Variants in ANKRD26 observed in about 807,000 individuals in gnomAD.
ANKRD26 encodes ankyrin repeat domain-containing protein 26.
In ANKRD26, 141 loss-of-function variants were observed where a neutral mutation model predicts 208.7. That is an observed-to-expected ratio of 0.68 (90% CI 0.59 to 0.78). ANKRD26 has a LOEUF of 0.78. Among genes scored for constraint, ANKRD26 ranks in the 30% least tolerant of loss-of-function variants. The pLI is 0.00. For missense variants in ANKRD26, 1,889 were observed against 1,938.7 expected (o/e 0.97, Z 0.48); for synonymous variants, 636 against 660.4 (o/e 0.96, Z 0.57).
intron 20 of ANKRD26, among the ~76,000 whole-genome samples, chr10:27,040,891 G>A (rs145211459): frequency 1.5e-3 from 228 of 152,056 alleles, no homozygotes; most frequent in African/African-American, 4.7e-3. Flanking sequence ...TTAGTGGGGC[G>A]TGGTGGCAGG....
At chr10:27,014,851 CAA>C in intron 30 of ANKRD26, 140 bp from the exon 31 acceptor site, 1 of 681,646 alleles carries the variant, frequency 1.5e-6, no homozygotes, top group Non-Finnish European at 2.5e-6. Context: ...AGGCATTGGT[CAA>C]AGAGATAAGA....
At position 27,096,138 on chromosome 10, in the gene ANKRD26, G is replaced by C. The variant is rs150685505; in HGVS notation, c.243-2339C>G. On this transcript the variant is annotated intron_variant, in intron 1 of 33. Coordinates refer to ENST00000376087, the MANE Select transcript of ANKRD26 (RefSeq NM_014915.3). ...ACTTCTCTCAGGCTTGATTTCCTGGGGATGAGTTAAATACCTGCTTCCAGA... is the reference window on the plus strand; with the variant it reads ...ACTTCTCTCAGGCTTGATTTCCTGGCGATGAGTTAAATACCTGCTTCCAGA... Among the ~76,000 whole-genome samples, 108 of 152,238 alleles carry C rather than the reference G, an allele frequency of 7.1e-4. 1 individual carries two copies. The South Asian group carries it at 0.014, about 20-fold the overall frequency.
intron 9 of ANKRD26, among the ~76,000 whole-genome samples, chr10:27,069,570 A>G (rs531698576): frequency 6.6e-6 from 1 of 152,176 alleles, no homozygotes; most frequent in South Asian, 2.1e-4. Flanking sequence ...TCGCCTTCCC[A>G]AGTGCTGGAA....
chr10:27,087,685 G>A (rs563988541), intron 4 of ANKRD26, among the ~76,000 whole-genome samples: 3 of 152,282 alleles, frequency 2.0e-5, no homozygotes, highest in Admixed American at 1.3e-4. Context: ...TTTAGACAAC[G>A]ACTTTTGCTT....
intron 23 of ANKRD26, 24 bp from the exon 24 acceptor site, chr10:27,035,776 G>T: frequency 6.7e-7 from 1 of 1,500,986 alleles, no homozygotes; most frequent in South Asian, 1.1e-5. Context: ...AGGAAACTTT[G>T]AGCTAGCACC....
In ANKRD26 at chr10:27,100,143, C is replaced by G. The variant is rs745371851; in HGVS notation, c.184G>C (p.Val62Leu). The G allele has an allele frequency of 5.0e-6, 8 of 1,614,184 alleles. No individual in the cohort carries two copies. In the South Asian group the frequency reaches 8.8e-5, roughly 18 times the overall value. ...TTCCTGAGCAAAAGGATCTGCTGCA[C>G]TTTCGCCACATTACCCGCGCTGGCA... ...KAASAGNVAK[V>L]QQILLLRKNG... Residue 62 changes from valine (V) to leucine (L), a missense_variant, in exon 1 of 34, where the codon GTG becomes CTG. By Grantham distance (32) the Val-to-Leu change is conservative (BLOSUM62 1). Transcript: ENST00000376087.
chr10:26,991,306 C>A (rs1475162295), downstream of ANKRD26, among the ~76,000 whole-genome samples: 1 of 152,176 alleles, frequency 6.6e-6, no homozygotes, highest in East Asian at 1.9e-4. Context: ...CACGGCAACT[C>A]TCGGTCATTG....
chr10:26,948,838 C>A, the ANKRD26 span, among the ~76,000 whole-genome samples: 721 of 152,062 alleles, frequency 4.7e-3, 6 homozygotes, highest in African/African-American at 0.016. Context: ...AAAGACCCCC[C>A]AAAAAAATTA....
At chr10:27,072,816 C>G (rs2055553925) in intron 9 of ANKRD26, among the ~76,000 whole-genome samples, 1 of 152,226 alleles carries the variant, frequency 6.6e-6, no homozygotes. Flanking sequence ...CACATTAATA[C>G]TACAGCTGGC....
chr10:27,062,858 C>T (rs1032257980), intron 12 of ANKRD26, among the ~76,000 whole-genome samples: 2 of 151,638 alleles, frequency 1.3e-5, no homozygotes, highest in African/African-American at 2.4e-5. Context: ...ACTTCCGTCT[C>T]CTGGGTTCAA....
At chr10:27,008,434 G>A (rs1330959745) in intron 32 of ANKRD26, among the ~76,000 whole-genome samples, 1 of 151,982 alleles carries the variant, frequency 6.6e-6, no homozygotes, top group African/African-American at 2.4e-5. Context: ...TTTATTGAAC[G>A]AATCTTATAT....
At chr10:27,094,385 G>A (rs192173551) in intron 1 of ANKRD26, among the ~76,000 whole-genome samples, 1 of 152,232 alleles carries the variant, frequency 6.6e-6, no homozygotes, top group Admixed American at 6.5e-5. Context: ...TAATGAAAGA[G>A]CAACCTATCT....
At chr10:27,051,259 G>A in intron 16 of ANKRD26, 3 of 1,289,658 alleles carry the variant, frequency 2.3e-6, no homozygotes, top group Non-Finnish European at 3.0e-6. Flanking sequence ...GCACTGCAAT[G>A]ATCATATAAT....
chr10:27,017,575 T>C lies in ANKRD26; in HGVS notation c.4433A>G (p.Tyr1478Cys), dbSNP rs761740884. Residue 1478 changes from tyrosine (Y) to cysteine (C), a missense_variant, in exon 30 of 34, where the codon TAT becomes TGT. Coordinates refer to ENST00000376087, the MANE Select transcript of ANKRD26 (RefSeq NM_014915.3). ...NMVELGQVKQ[Y>C]KQEIEERARQ... ...TGCTCTTTCTTCAATCTCCTGTTTATACTGTTTGACTTGACCAAGTTCTAC... is the reference window on the plus strand; with the variant it reads ...TGCTCTTTCTTCAATCTCCTGTTTACACTGTTTGACTTGACCAAGTTCTAC... The C allele has an allele frequency of 4.3e-6, 7 of 1,613,632 alleles. No homozygotes were observed. Among genetic ancestry groups the C allele is most frequent in the East Asian group, 2.2e-5 (1 of 44,786 alleles).
Position 27,034,828 on chromosome 10 carries a change from ACTGT to A in ANKRD26, c.3618_3621del (p.Arg1206SerfsTer15). On this transcript the variant is annotated frameshift_variant, in exon 24 of 34. Transcript: ENST00000376087. LOFTEE classifies it high-confidence loss of function. The stretch of plus-strand genomic sequence containing the variant: ...TCTGCCTTTTCATTTTCATATTGAT[ACTGT>A]CTTTCTTTTAAGTGATTACATTCAC... 1 of 1,610,220 alleles carries A rather than the reference ACTGT, an allele frequency of 6.2e-7. No individual in the cohort carries two copies.
chr10:27,098,387 T>C (rs2056535046), intron 1 of ANKRD26, among the ~76,000 whole-genome samples: 1 of 152,124 alleles, frequency 6.6e-6, no homozygotes, highest in Non-Finnish European at 1.5e-5. Context: ...AAAAAGAAAG[T>C]GGGAAATGAT....
rs1484848202 is a variant in ANKRD26, at chr10:27,100,354, C to A, written c.-28G>T. The A allele has an allele frequency of 6.2e-7, 1 of 1,603,738 alleles. No homozygotes were observed. The highest frequency in any genetic ancestry group is 8.5e-7 in the Non-Finnish European group (1 of 1,179,744). On this transcript the variant is annotated 5_prime_UTR_variant, in exon 1 of 34. Coordinates refer to ENST00000376087, the MANE Select transcript of ANKRD26 (RefSeq NM_014915.3). Reference sequence around the variant, plus strand: ...CCCAGGCGACCGGGCTTCAGAGACACCTCATGTCTCTCTCGGCTCTTAACG... The same window carrying A: ...CCCAGGCGACCGGGCTTCAGAGACAACTCATGTCTCTCTCGGCTCTTAACG...
At chr10:26,954,884 A>G in the ANKRD26 span, among the ~76,000 whole-genome samples, 1 of 150,782 alleles carries the variant, frequency 6.6e-6, no homozygotes. Flanking sequence ...TGCAGAGGCA[A>G]TTTCTAAACT....
Position 27,060,252 on chromosome 10 carries a change from A to G in ANKRD26, c.1564+93T>C, listed in dbSNP as rs900854548. ...CCTTCCAACAAATTTGGAGAAAAAAAGAATTAGGAATAAGAAAACTGTGAG... is the reference window on the plus strand; with the variant it reads ...CCTTCCAACAAATTTGGAGAAAAAAGGAATTAGGAATAAGAAAACTGTGAG... On this transcript the variant is annotated intron_variant, in intron 15 of 33. Transcript: ENST00000376087. The G allele has an allele frequency of 4.1e-6, 5 of 1,216,226 alleles. No individual in the cohort carries two copies. The African/African-American group carries it at 7.6e-5, about 19-fold the overall frequency. The allele number at this position is 1,216,226 out of a possible 1,614,324, so 75.3% of individuals were successfully genotyped here.
Sources: gnomAD v4.1 joint callset for allele counts (sites outside exome capture counted in the v4.1 genomes callset) on GRCh38, gnomAD v4.1.1 for gene constraint, MANE v1.5 for transcripts, NCBI Gene and HGNC (gene_info 2026-07-23, HGNC 2026-07-21) for gene names.